WDR70: variants seen among roughly 807,000 people sequenced by gnomAD.
The protein encoded by WDR70 is WD repeat domain 70.
In WDR70, 53 loss-of-function variants were observed where a neutral mutation model predicts 88.6. That is an observed-to-expected ratio of 0.60 (90% CI 0.48 to 0.75). WDR70 has a LOEUF of 0.75. WDR70 is among the 30% of genes least tolerant of loss of function. The pLI is 0.00. For synonymous variants in WDR70, 280 were observed against 270.0 expected (o/e 1.04, Z -0.36); for missense variants, 610 against 823.2 (o/e 0.74, Z 3.17).
At chr5:37,655,883 A>G (rs1028106833) in intron 10 of WDR70, among the ~76,000 whole-genome samples, 4 of 151,948 alleles carry the variant, frequency 2.6e-5, no homozygotes, top group African/African-American at 9.7e-5. Context: ...GGGTTAGAAC[A>G]TGCTCGTTTA....
At chr5:37,653,992 A>T (rs903295243) in intron 10 of WDR70, among the ~76,000 whole-genome samples, 8 of 151,236 alleles carry the variant, frequency 5.3e-5, no homozygotes, top group African/African-American at 1.9e-4. Context: ...GTAGCTTTTG[A>T]GTTTGTTTGC....
At chr5:37,615,735 G>T (rs529088973) in intron 10 of WDR70, among the ~76,000 whole-genome samples, 27 of 152,296 alleles carry the variant, frequency 1.8e-4, no homozygotes, top group East Asian at 3.9e-4. Context: ...GTCTCTTGTA[G>T]AACTCATTCT....
chr5:37,587,239 T>G (rs1400100161), intron 9 of WDR70, among the ~76,000 whole-genome samples: 14 of 152,030 alleles, frequency 9.2e-5, no homozygotes, highest in Admixed American at 8.5e-4. Flanking sequence ...TCTCAACACA[T>G]CTCACAGGAT....
chr5:37,549,857 AT>A (rs1005327371), intron 9 of WDR70, among the ~76,000 whole-genome samples: 1 of 146,910 alleles, frequency 6.8e-6, no homozygotes, highest in African/African-American at 2.5e-5. Flanking sequence ...GGGATGTTGA[AT>A]TTTTTTTTGC....
At chr5:37,648,690 C>T (rs905496089) in intron 10 of WDR70, among the ~76,000 whole-genome samples, 3 of 151,972 alleles carry the variant, frequency 2.0e-5, no homozygotes, top group Non-Finnish European at 2.9e-5. Flanking sequence ...TTGAGTACTT[C>T]CCACTTCTTT....
At chr5:37,723,082 G>A (rs568254555) in intron 15 of WDR70, 148 bp downstream of exon 15, 2 of 834,512 alleles carry the variant, frequency 2.4e-6, no homozygotes, top group East Asian at 2.6e-5. Context: ...TACGAGTCAT[G>A]TAACAGCTAA....
At chr5:37,483,906 C>T (rs1739763513) in intron 8 of WDR70, among the ~76,000 whole-genome samples, 1 of 151,926 alleles carries the variant, frequency 6.6e-6, no homozygotes, top group Non-Finnish European at 1.5e-5. Flanking sequence ...ATGCTCCTCA[C>T]CTCACAGACG....
At chr5:37,676,189 A>G (rs911975126) in intron 10 of WDR70, among the ~76,000 whole-genome samples, 29 of 151,458 alleles carry the variant, frequency 1.9e-4, no homozygotes, top group African/African-American at 6.8e-4. Flanking sequence ...AACAGGGACA[A>G]TTTGACATCC....
intron 5 of WDR70, among the ~76,000 whole-genome samples, chr5:37,413,234 A>C (rs1337008582): frequency 6.6e-6 from 1 of 152,190 alleles, no homozygotes; most frequent in East Asian, 1.9e-4. Flanking sequence ...GCAAGCATCC[A>C]GTTTTTCCCT....
Position 37,636,712 on chromosome 5 carries a change from A to C in WDR70, c.1092+31474A>C, listed in dbSNP as rs182421992. Among the ~76,000 whole-genome samples, 119 of 152,292 alleles carry C rather than the reference A, an allele frequency of 7.8e-4. 1 individual carries two copies. Among genetic ancestry groups the C allele is most frequent in the African/African-American group, 2.7e-3 (113 of 41,576 alleles). ...TAATGAGAAAACACCAGACAAACCC[A>C]ACTTGAGAGGGAGTCTGTAAAATAA... is the stretch of plus-strand genomic sequence containing the variant. On this transcript the variant is annotated intron_variant, in intron 10 of 17. Transcript: ENST00000265107.
intron 13 of WDR70, among the ~76,000 whole-genome samples, chr5:37,712,303 A>G (rs1747537585): frequency 6.6e-6 from 1 of 152,150 alleles, no homozygotes; most frequent in South Asian, 2.1e-4. Flanking sequence ...ATTTTCTTTT[A>G]GGATTGATAA....
At chr5:37,492,088 A>G (rs998347467) in intron 8 of WDR70, among the ~76,000 whole-genome samples, 3 of 152,220 alleles carry the variant, frequency 2.0e-5, no homozygotes, top group Non-Finnish European at 2.9e-5. Flanking sequence ...CAATTTAGAA[A>G]TTAAGATTTG....
chr5:37,528,907 G>T (rs200585386), intron 9 of WDR70, among the ~76,000 whole-genome samples: 13,299 of 130,586 alleles, frequency 0.1, 750 homozygotes, highest in Admixed American at 0.15. Context: ...GTCTAGAGGG[G>T]GTTTTTTTTT....
At chr5:37,445,884 CAG>C (rs992171278) in intron 7 of WDR70, among the ~76,000 whole-genome samples, 24 of 152,294 alleles carry the variant, frequency 1.6e-4, no homozygotes, top group Admixed American at 1.2e-3. Context: ...TGGCACAAGA[CAG>C]GGATGCCCTC....
chr5:37,402,944 G>GTTTTTTTTTTTTTTT (rs5867348), intron 5 of WDR70, among the ~76,000 whole-genome samples: 1 of 84,372 alleles, frequency 1.2e-5, no homozygotes, highest in African/African-American at 5.1e-5. Context: ...CCCTCCCTCC[G>GTTTTTTTTTTTTTTT]TTTTTTTTTT....
At chr5:37,651,164 C>T (rs536048129) in intron 10 of WDR70, among the ~76,000 whole-genome samples, 9 of 152,166 alleles carry the variant, frequency 5.9e-5, no homozygotes, top group African/African-American at 2.2e-4. Context: ...TCCCTCTGTC[C>T]ATGTGTTCTC....
At chr5:37,615,184 C>T (rs1744300734) in intron 10 of WDR70, among the ~76,000 whole-genome samples, 1 of 151,928 alleles carries the variant, frequency 6.6e-6, no homozygotes, top group African/African-American at 2.4e-5. Context: ...AGGAGACTTA[C>T]AGTGTCAATT....
chr5:37,677,028 GT>G, intron 10 of WDR70, among the ~76,000 whole-genome samples: 1 of 152,208 alleles, frequency 6.6e-6, no homozygotes, highest in Non-Finnish European at 1.5e-5. Flanking sequence ...GCATAGAGGT[GT>G]TTGTAGTATT....
intron 10 of WDR70, among the ~76,000 whole-genome samples, chr5:37,637,062 C>T (rs1427911771): frequency 6.6e-6 from 1 of 152,034 alleles, no homozygotes; most frequent in Non-Finnish European, 1.5e-5. Flanking sequence ...GAATTTTAGG[C>T]CAGGCGTGGT....
Sources: gnomAD v4.1 joint callset for allele counts (sites outside exome capture counted in the v4.1 genomes callset) on GRCh38, gnomAD v4.1.1 for gene constraint, MANE v1.5 for transcripts, NCBI Gene and HGNC (gene_info 2026-07-23, HGNC 2026-07-21) for gene names.